SLC71A1: variants seen among roughly 807,000 people sequenced by gnomAD.
SLC71A1 encodes solute carrier family 71 member 1, also known as hippocampus abundant gene transcript 1.
the SLC71A1 span, among the ~76,000 whole-genome samples, chr1:100,068,987 TTAAA>T: frequency 3.9e-5 from 6 of 151,918 alleles, no homozygotes; most frequent in South Asian, 2.1e-4. Context: ...CGTCTCAAAA[TTAAA>T]TAAATAAATA....
the SLC71A1 span, among the ~76,000 whole-genome samples, chr1:100,081,085 T>A: frequency 2.8e-3 from 422 of 152,328 alleles, 2 homozygotes; most frequent in Non-Finnish European, 4.8e-3. Flanking sequence ...TGGCCAATAT[T>A]AGCAGCTCAT....
At chr1:100,043,017 T>G in the SLC71A1 span, 1 of 836,648 alleles carries the variant, frequency 1.2e-6, no homozygotes, top group Non-Finnish European at 1.4e-6. Context: ...CATGGTTCAG[T>G]GTTTGGTTTA....
chr1:100,072,049 G>C, the SLC71A1 span, among the ~76,000 whole-genome samples: 1 of 152,188 alleles, frequency 6.6e-6, no homozygotes, highest in African/African-American at 2.4e-5. Context: ...TGACCATTTA[G>C]GTTTTGGTGC....
the SLC71A1 span, among the ~76,000 whole-genome samples, chr1:100,081,347 A>C: frequency 6.6e-6 from 1 of 152,126 alleles, no homozygotes; most frequent in Admixed American, 6.6e-5. Context: ...CTACTGTAGT[A>C]AATACTGTAT....
chr1:100,074,501 C>T, the SLC71A1 span, among the ~76,000 whole-genome samples: 1 of 151,722 alleles, frequency 6.6e-6, no homozygotes, highest in Non-Finnish European at 1.5e-5. Context: ...ATCACTTGAA[C>T]CTGGGAGGTG....
the SLC71A1 span, among the ~76,000 whole-genome samples, chr1:100,044,511 AT>A: frequency 0.027 from 2,795 of 103,114 alleles, 68 homozygotes; most frequent in African/African-American, 0.1. Flanking sequence ...TACTCTGCTG[AT>A]TTTTTTTTTT....
chr1:100,072,836 T>C, the SLC71A1 span, among the ~76,000 whole-genome samples: 1 of 152,120 alleles, frequency 6.6e-6, no homozygotes, highest in South Asian at 2.1e-4. Context: ...AGTGTTTACA[T>C]GAGAACATCA....
the SLC71A1 span, chr1:100,059,892 C>T: frequency 6.8e-6 from 11 of 1,609,020 alleles, no homozygotes; most frequent in Non-Finnish European, 7.6e-6. Flanking sequence ...TGTTGTCATT[C>T]CTTAGTGCCC....
the SLC71A1 span, among the ~76,000 whole-genome samples, chr1:100,061,550 A>T: frequency 6.6e-6 from 1 of 152,220 alleles, no homozygotes; most frequent in Admixed American, 6.5e-5. Flanking sequence ...CAGAAAAAGC[A>T]AAATCACTTA....
chr1:100,038,370 C>A, the SLC71A1 span: 1 of 1,387,062 alleles, frequency 7.2e-7, no homozygotes, highest in South Asian at 1.2e-5. Flanking sequence ...TCCGGTCTCT[C>A]CTTCAGACCC....
the SLC71A1 span, chr1:100,080,270 C>A: frequency 5.4e-6 from 2 of 372,666 alleles, no homozygotes; most frequent in South Asian, 8.3e-5. Flanking sequence ...TATGTGAGAC[C>A]TATATATGGG....
chr1:100,073,270 A>G, the SLC71A1 span, among the ~76,000 whole-genome samples: 1 of 152,152 alleles, frequency 6.6e-6, no homozygotes, highest in Non-Finnish European at 1.5e-5. Context: ...ATCTTGCCTC[A>G]CTATAGTTCA....
chr1:100,071,462 C>A, the SLC71A1 span, among the ~76,000 whole-genome samples: 1 of 151,844 alleles, frequency 6.6e-6, no homozygotes, highest in African/African-American at 2.4e-5. Context: ...CAGAATGAGA[C>A]CCTGTCTCAA....
At chr1:100,051,432 GTA>G in the SLC71A1 span, among the ~76,000 whole-genome samples, 1 of 149,368 alleles carries the variant, frequency 6.7e-6, no homozygotes, top group African/African-American at 2.5e-5. Context: ...ATGTTCATGA[GTA>G]TTGCTATAAA....
chr1:100,082,283 C>T, the SLC71A1 span: 2 of 1,098,248 alleles, frequency 1.8e-6, no homozygotes, highest in Non-Finnish European at 1.4e-6. Context: ...ATGTACATTC[C>T]ATTTCCATCC....
At chr1:100,047,484 G>A in the SLC71A1 span, among the ~76,000 whole-genome samples, 155 of 152,272 alleles carry the variant, frequency 1.0e-3, no homozygotes, top group African/African-American at 3.5e-3. Flanking sequence ...ATGCAATGGC[G>A]CAATCTTGGC....
chr1:100,056,180 C>T, the SLC71A1 span, among the ~76,000 whole-genome samples: 2 of 152,162 alleles, frequency 1.3e-5, no homozygotes, highest in Non-Finnish European at 2.9e-5. Context: ...CTACCCTTCC[C>T]GGCCTCTGGT....
the SLC71A1 span, among the ~76,000 whole-genome samples, chr1:100,055,345 A>AT: frequency 0.062 from 8,706 of 140,228 alleles, 260 homozygotes; most frequent in African/African-American, 0.079. Context: ...CTTTTTTGCA[A>AT]TTTTTTTTTT....
At chr1:100,057,987 A>C in the SLC71A1 span, 28 of 152,212 alleles carry the variant, frequency 1.8e-4, no homozygotes, top group African/African-American at 6.0e-4. Context: ...ACAGGAGTAC[A>C]TATAGGCTGT....
Sources: allele counts gnomAD v4.1 joint callset (sites outside exome capture counted in the v4.1 genomes callset), GRCh38; gene constraint gnomAD v4.1.1; transcripts MANE v1.5; gene names NCBI Gene and HGNC (gene_info 2026-07-23, HGNC 2026-07-21).